The following SDK2 variants were observed in gnomAD, a reference collection of about 807,000 sequenced individuals.
The protein encoded by SDK2 is sidekick cell adhesion molecule 2, also known as protein sidekick-2.
In SDK2, 105 loss-of-function variants were observed where a neutral mutation model predicts 253.9. That is an observed-to-expected ratio of 0.41 (90% CI 0.35 to 0.49). SDK2 has a LOEUF of 0.49. Among genes scored for constraint, SDK2 ranks in the 20% least tolerant of loss-of-function variants. SDK2 has a pLI of 0.06. For synonymous variants in SDK2, 1,249 were observed against 1,234.9 expected, an observed-to-expected ratio of 1.01 and a Z score of -0.24; for missense variants, 2,608 against 3,003.0, an observed-to-expected ratio of 0.87 and a Z score of 3.07.
intron 1 of SDK2, among the ~76,000 whole-genome samples, chr17:73,640,433 A>C: frequency 6.6e-6 from 1 of 150,774 alleles, no homozygotes; most frequent in African/African-American, 2.4e-5. Context: ...AATGTTCCGG[A>C]CTCCCCCGCG....
At chr17:73,501,119 G>A (rs1224578592) in intron 2 of SDK2, among the ~76,000 whole-genome samples, 3 of 152,172 alleles carry the variant, frequency 2.0e-5, no homozygotes, top group Non-Finnish European at 4.4e-5. Flanking sequence ...GACCTCTAGG[G>A]CTTTTATGTG....
Position 73,435,657 on chromosome 17 carries a change from C to T in SDK2, c.1001-13G>A, listed in dbSNP as rs532834929. 12 of 1,535,506 alleles carry T rather than the reference C, an allele frequency of 7.8e-6. No homozygotes were observed. Among genetic ancestry groups the T allele is most frequent in the Admixed American group, 7.8e-5 (4 of 51,218 alleles). Reference sequence around the variant, plus strand: ...GGCGGCGGCACACCTGTGGGCAAGACGTGGGCCCACCGTCAACCTGCCTCC... The same window carrying T: ...GGCGGCGGCACACCTGTGGGCAAGATGTGGGCCCACCGTCAACCTGCCTCC... On this transcript the variant is annotated splice_polypyrimidine_tract_variant and intron_variant, in intron 8 of 44. Transcript: ENST00000392650. This position sits in a 1 kb window ranked among gnomAD's most constrained non-coding sequence, Gnocchi z 5.7.
intron 18 of SDK2, among the ~76,000 whole-genome samples, chr17:73,403,133 T>C (rs2063042716): frequency 1.3e-5 from 2 of 152,124 alleles, no homozygotes; most frequent in African/African-American, 4.8e-5. Context: ...AAACTGAGGC[T>C]CAAAGAGGCT....
At chr17:73,354,789 C>T (rs1339533021) in intron 40 of SDK2, among the ~76,000 whole-genome samples, 2 of 152,150 alleles carry the variant, frequency 1.3e-5, no homozygotes, top group Non-Finnish European at 1.5e-5. Flanking sequence ...CCGTTCTTCT[C>T]GCCGTTCTGC....
chr17:73,384,615 G>C (rs1568375478), intron 32 of SDK2, among the ~76,000 whole-genome samples: 1 of 152,266 alleles, frequency 6.6e-6, no homozygotes, highest in Middle Eastern at 3.4e-3. Context: ...TATGAAGAAT[G>C]GTCTGACCAG....
Position 73,447,008 on chromosome 17 carries a change from G to A in SDK2, c.613+607C>T, listed in dbSNP as rs1393725125. On this transcript the variant is annotated intron_variant, in intron 5 of 44. Coordinates refer to ENST00000392650, the MANE Select transcript of SDK2 (RefSeq NM_001144952.2). The surrounding 1 kb of genome is among the most constrained non-coding windows in gnomAD (Gnocchi z 4.0). ...TGCCAAAGCACACCAAGGGAATCAC[G>A]CTTTTGTGTGTGTCTCACTGTGTGG... Among the ~76,000 whole-genome samples the A allele has an allele frequency of 6.6e-6, 1 of 152,178 alleles. No individual in the cohort carries two copies. The highest frequency in any genetic ancestry group is 1.5e-5 in the Non-Finnish European group (1 of 68,028).
At chr17:73,457,313 CT>C (rs1219374126) in intron 3 of SDK2, among the ~76,000 whole-genome samples, 44 of 65,168 alleles carry the variant, frequency 6.8e-4, no homozygotes, top group Non-Finnish European at 1.1e-3. Flanking sequence ...CCCTCCCCCC[CT>C]CCCCTCTCCT....
Position 73,361,941 on chromosome 17 carries a change from G to C in SDK2, c.5306-96C>G. On this transcript the variant is annotated intron_variant, in intron 38 of 44. Coordinates refer to ENST00000392650, the MANE Select transcript of SDK2 (RefSeq NM_001144952.2). The surrounding 1 kb of genome is among the most constrained non-coding windows in gnomAD (Gnocchi z 4.1). ...GAAGCGGCCGTGGCCTGGGCCCCGG[G>C]ACCCTGGGTAGGGGCCTCACTCCTT... 1 of 1,271,702 alleles carries C rather than the reference G, an allele frequency of 7.9e-7. No individual in the cohort carries two copies. The highest frequency in any genetic ancestry group is 1.1e-6 in the Non-Finnish European group (1 of 935,814). The allele number at this position is 1,271,702 out of a possible 1,614,324, so 78.8% of individuals were successfully genotyped here. A position where few individuals can be genotyped will look rare whatever the true frequency, so the allele number is the denominator to read the frequency against.
At chr17:73,415,698 A>C in intron 17 of SDK2, 113 bp downstream of exon 17, 1 of 923,694 alleles carries the variant, frequency 1.1e-6, no homozygotes, top group Non-Finnish European at 1.6e-6. Context: ...TATGTTGCCC[A>C]GGCTGGCTTA....
chr17:73,405,873 C>G (rs1242566298), intron 18 of SDK2, among the ~76,000 whole-genome samples: 1 of 150,682 alleles, frequency 6.6e-6, no homozygotes, highest in Non-Finnish European at 1.5e-5. Context: ...GCGCCTGCCA[C>G]CACGCCCGGC....
At chr17:73,501,075 T>G (rs1271407273) in intron 2 of SDK2, among the ~76,000 whole-genome samples, 1 of 152,194 alleles carries the variant, frequency 6.6e-6, no homozygotes, top group African/African-American at 2.4e-5. Flanking sequence ...AGCGGTCAGA[T>G]GAGAGAGGCT....
chr17:73,389,931 TAG>T (rs1298295235), intron 29 of SDK2, among the ~76,000 whole-genome samples: 4 of 152,170 alleles, frequency 2.6e-5, no homozygotes, highest in African/African-American at 9.7e-5. Flanking sequence ...GTATTTTTAG[TAG>T]AGACGGGGTT....
At chr17:73,631,968 G>A (rs1310712021) in intron 1 of SDK2, among the ~76,000 whole-genome samples, 3 of 152,210 alleles carry the variant, frequency 2.0e-5, no homozygotes, top group Non-Finnish European at 2.9e-5. Flanking sequence ...AGGGGGAGGT[G>A]GGAGGGTCCA....
Position 73,390,379 on chromosome 17 carries a change from G to T in SDK2, c.4100C>A (p.Pro1367Gln). Residue 1367 changes from proline to glutamine, a missense_variant, in exon 29 of 45, where the codon CCA becomes CAA. By Grantham distance (76) the Pro-to-Gln change is moderately conservative (BLOSUM62 -1). Transcript: ENST00000392650. ...GATGCGGAACAGGTAGACAGACTCTGGCTTGAGGCCCGTGGCTGTGTACTG... is the reference window on the plus strand; with the variant it reads ...GATGCGGAACAGGTAGACAGACTCTTGCTTGAGGCCCGTGGCTGTGTACTG... ...ARQYTATGLKPESVYLFRITA... is the reference protein window; with the variant it reads ...ARQYTATGLKQESVYLFRITA... 1 of 1,612,886 alleles carries T rather than the reference G, an allele frequency of 6.2e-7. No homozygotes were observed.
chr17:73,390,795 A>AATCCCAGCCCAGGTCTTTCTGGG (rs1398383286), intron 28 of SDK2, among the ~76,000 whole-genome samples: 2 of 152,240 alleles, frequency 1.3e-5, no homozygotes, highest in Non-Finnish European at 2.9e-5. Flanking sequence ...ACAGAGCTGG[A>AATCCCAGCCCAGGTCTTTCTGGG]ATCCCAGCCC....
intron 1 of SDK2, among the ~76,000 whole-genome samples, chr17:73,565,835 GT>G (rs951624127): frequency 6.6e-6 from 1 of 152,086 alleles, no homozygotes. Flanking sequence ...TTGTTTGTTT[GT>G]TTTTTTGAGA....
intron 44 of SDK2, among the ~76,000 whole-genome samples, chr17:73,342,997 T>A (rs1454652614): frequency 6.6e-6 from 1 of 152,098 alleles, no homozygotes; most frequent in Non-Finnish European, 1.5e-5. Flanking sequence ...GCTGACTCAG[T>A]GCTCAGGCAG....
chr17:73,356,490 G>A (rs2062593180), intron 40 of SDK2, among the ~76,000 whole-genome samples: 1 of 152,182 alleles, frequency 6.6e-6, no homozygotes, highest in African/African-American at 2.4e-5. Flanking sequence ...TATAGAAAGG[G>A]GGTGTATTTA....
At chr17:73,475,006 C>T (rs934051854) in intron 2 of SDK2, among the ~76,000 whole-genome samples, 4 of 152,080 alleles carry the variant, frequency 2.6e-5, no homozygotes, top group Admixed American at 6.5e-5. Flanking sequence ...CCAGTGTCGG[C>T]AGGAGTGAGG....
Sources: gnomAD v4.1 joint callset for allele counts (sites outside exome capture counted in the v4.1 genomes callset) on GRCh38, gnomAD v4.1.1 for gene constraint, Gnocchi (gnomAD v3.1) non-coding constraint, MANE v1.5 for transcripts, NCBI Gene and HGNC (gene_info 2026-07-23, HGNC 2026-07-21) for gene names.